The following RANBP17 variants were observed in gnomAD, a reference collection of about 807,000 sequenced individuals.
RANBP17 encodes ran-binding protein 17.
Under a neutral mutation model 141.2 loss-of-function variants are expected in RANBP17, and 158 were observed. The observed-to-expected ratio is 1.12, with a 90% CI of 0.98 to 1.28. The LOEUF (loss-of-function observed/expected upper bound fraction) is 1.28. RANBP17 is among the 50% of genes most tolerant of loss of function. The pLI, the probability that RANBP17 is intolerant of heterozygous loss-of-function variation, is 0.00. For synonymous variants in RANBP17, 430 were observed against 450.0 expected, an observed-to-expected ratio of 0.96 and a Z score of 0.56; for missense variants, 1,438 against 1,290.7, an observed-to-expected ratio of 1.11 and a Z score of -1.75.
At chr5:171,083,635 T>C (rs1274003644) in intron 14 of RANBP17, among the ~76,000 whole-genome samples, 1 of 152,196 alleles carries the variant, frequency 6.6e-6, no homozygotes, top group Non-Finnish European at 1.5e-5. Flanking sequence ...AAAACCTATA[T>C]ATGTGGAGGG....
chr5:171,203,031 C>T (rs1188409367), intron 19 of RANBP17, among the ~76,000 whole-genome samples: 1 of 152,026 alleles, frequency 6.6e-6, no homozygotes, highest in African/African-American at 2.4e-5. Flanking sequence ...CACCATGCAG[C>T]AGACTGAAGA....
chr5:171,120,990 C>T (rs1036732580), intron 14 of RANBP17, among the ~76,000 whole-genome samples: 2 of 152,160 alleles, frequency 1.3e-5, no homozygotes, highest in African/African-American at 4.8e-5. Flanking sequence ...TGTGTAGCTT[C>T]TTTAGCTGTA....
At chr5:170,994,990 T>C (rs1778722489) in intron 14 of RANBP17, among the ~76,000 whole-genome samples, 1 of 152,062 alleles carries the variant, frequency 6.6e-6, no homozygotes, top group Non-Finnish European at 1.5e-5. Context: ...TTATAACTGA[T>C]ACCTATTCAA....
At chr5:170,990,151 A>C (rs958649371) in intron 14 of RANBP17, among the ~76,000 whole-genome samples, 1 of 151,836 alleles carries the variant, frequency 6.6e-6, no homozygotes, top group Non-Finnish European at 1.5e-5. Flanking sequence ...TTATTGAATA[A>C]AAATTTAAAA....
chr5:170,998,431 G>A (rs141209741), intron 14 of RANBP17, among the ~76,000 whole-genome samples: 127 of 152,202 alleles, frequency 8.3e-4, no homozygotes, highest in Non-Finnish European at 1.4e-3. Flanking sequence ...AGGCTTATCC[G>A]TGTAAAATTA....
At chr5:170,872,294 T>C (rs547109322) in intron 1 of RANBP17, among the ~76,000 whole-genome samples, 1 of 152,320 alleles carries the variant, frequency 6.6e-6, no homozygotes, top group Non-Finnish European at 1.5e-5. Flanking sequence ...GGGAGTTCAT[T>C]CATGATTTGG....
chr5:171,230,059 C>T lies in RANBP17; in HGVS notation c.2422+8219C>T, dbSNP rs1465348191. ...CAGCCTGGGCAACAACAGCGAAACT[C>T]CGTCTCAAAAAAAAGAAAAAAAAGA... On this transcript the variant is annotated intron_variant, in intron 22 of 27. Transcript: ENST00000523189. Among the ~76,000 whole-genome samples the T allele has an allele frequency of 2.0e-5, 3 of 151,846 alleles. 1 individual carries two copies. Among genetic ancestry groups the T allele is most frequent in the African/African-American group, 7.3e-5 (3 of 41,354 alleles).
intron 3 of RANBP17, among the ~76,000 whole-genome samples, chr5:170,887,453 G>A (rs1331333358): frequency 6.6e-6 from 1 of 152,126 alleles, no homozygotes; most frequent in Admixed American, 6.6e-5. Context: ...ACCATTTTAA[G>A]TTAATTTTTG....
chr5:171,290,557 G>T (rs1768433611), intron 25 of RANBP17, among the ~76,000 whole-genome samples: 1 of 152,156 alleles, frequency 6.6e-6, no homozygotes, highest in Non-Finnish European at 1.5e-5. Flanking sequence ...TCAGATATTT[G>T]TAGAGTAATT....
intron 24 of RANBP17, among the ~76,000 whole-genome samples, chr5:171,256,470 T>A (rs1765903547): frequency 1.3e-5 from 2 of 152,122 alleles, no homozygotes; most frequent in Admixed American, 1.3e-4. Context: ...AGTGGAAAGA[T>A]TACAAATTAA....
intron 14 of RANBP17, among the ~76,000 whole-genome samples, chr5:171,141,876 T>TTC (rs1440820793): frequency 6.6e-6 from 1 of 152,190 alleles, no homozygotes; most frequent in African/African-American, 2.4e-5. Flanking sequence ...TAGCACAGAA[T>TTC]ACCTGGCATA....
intron 26 of RANBP17, 48 bp downstream of exon 26, chr5:171,294,029 G>C (rs80296803): frequency 7.3e-7 from 1 of 1,360,612 alleles, no homozygotes; most frequent in African/African-American, 1.4e-5. Flanking sequence ...TGGGAGAAGA[G>C]AGCAGCTATA....
At chr5:170,965,789 T>C (rs1776512845) in intron 13 of RANBP17, among the ~76,000 whole-genome samples, 1 of 152,166 alleles carries the variant, frequency 6.6e-6, no homozygotes, top group Non-Finnish European at 1.5e-5. Flanking sequence ...CCATGCTGTT[T>C]TGGTTACTGT....
At chr5:170,945,134 A>T (rs1460093117) in intron 12 of RANBP17, among the ~76,000 whole-genome samples, 6 of 151,974 alleles carry the variant, frequency 3.9e-5, no homozygotes, top group Admixed American at 3.9e-4. Context: ...TTTTACTTGG[A>T]ATTTTTTTTT....
At chr5:170,936,424 G>A (rs907030627) in intron 12 of RANBP17, among the ~76,000 whole-genome samples, 1 of 152,054 alleles carries the variant, frequency 6.6e-6, no homozygotes, top group African/African-American at 2.4e-5. Flanking sequence ...CCAAGCCGCT[G>A]TTTTATTTTT....
chr5:171,039,578 A>G (rs1397316089), intron 14 of RANBP17, among the ~76,000 whole-genome samples: 1 of 152,040 alleles, frequency 6.6e-6, no homozygotes, highest in Non-Finnish European at 1.5e-5. Context: ...GAAACTCTTT[A>G]ATTAGTTCCC....
intron 25 of RANBP17, among the ~76,000 whole-genome samples, chr5:171,270,498 A>G (rs1420718673): frequency 6.6e-6 from 1 of 152,206 alleles, no homozygotes; most frequent in African/African-American, 2.4e-5. Context: ...CAGATTACTA[A>G]TTACTACTGA....
At position 171,258,117 on chromosome 5, in the gene RANBP17, ATACACACACACACACACACACAC is replaced by A. The variant is rs1233898080; in HGVS notation, c.2777-7563_2777-7541del. The stretch of plus-strand genomic sequence containing the variant: ...GCAAAACTCCATCTAAAAAAAAAAA[ATACACACACACACACACACACAC>A]ACACACACACACACACACACCCCTA... On this transcript the variant is annotated intron_variant, in intron 24 of 27. Coordinates refer to ENST00000523189, the MANE Select transcript of RANBP17 (RefSeq NM_022897.5). Among the ~76,000 whole-genome samples, 520 of 90,340 alleles carry A rather than the reference ATACACACACACACACACACACAC, an allele frequency of 5.8e-3. 4 individuals are homozygous for A. Among genetic ancestry groups the A allele is most frequent in the African/African-American group, 0.02 (495 of 24,486 alleles). 59.3% of individuals were successfully genotyped at this position (90,340 alleles called of 152,430 possible).
chr5:171,276,817 C>T (rs1767515013), intron 25 of RANBP17, among the ~76,000 whole-genome samples: 1 of 149,234 alleles, frequency 6.7e-6, no homozygotes, highest in South Asian at 2.1e-4. Flanking sequence ...ACAAGTATGG[C>T]AAATGGCAAC....
Sources: gnomAD v4.1 joint callset for allele counts (sites outside exome capture counted in the v4.1 genomes callset) on GRCh38, gnomAD v4.1.1 for gene constraint, MANE v1.5 for transcripts, NCBI Gene and HGNC (gene_info 2026-07-23, HGNC 2026-07-21) for gene names.